CELSR1: variants seen among roughly 807,000 people sequenced by gnomAD.
CELSR1 encodes the protein cadherin EGF LAG seven-pass G-type receptor 1.
In CELSR1, 110 loss-of-function variants were observed where a neutral mutation model predicts 249.1. That is an observed-to-expected ratio of 0.44 (90% CI 0.38 to 0.52). The LOEUF (loss-of-function observed/expected upper bound fraction) is 0.52, where lower values mean the gene tolerates loss of function less well. Ranked by LOEUF, CELSR1 falls within the 20% of genes least tolerant of loss-of-function variation. The pLI is 0.00. For synonymous variants in CELSR1, 2,113 were observed against 1,900.0 expected (o/e 1.11, Z -2.92); for missense variants, 4,109 against 4,296.4 (o/e 0.96, Z 1.22).
rs2147771197 is a variant in CELSR1, at chr22:46,513,146, G to A, written c.3544+20481C>T. Among the ~76,000 whole-genome samples, 3 of 152,272 alleles carry A rather than the reference G, an allele frequency of 2.0e-5. No homozygotes were observed. The South Asian group carries it at 6.2e-4, about 32-fold the overall frequency. ...CGCCTCTCAAAATCACGCGACTGGG[G>A]ACAATACACCTGGGGACTAGGCCAT... is the stretch of plus-strand genomic sequence containing the variant. On this transcript the variant is annotated intron_variant, in intron 1 of 34. Coordinates refer to ENST00000674500, the MANE Select transcript of CELSR1 (RefSeq NM_001378328.1).
intron 1 of CELSR1, among the ~76,000 whole-genome samples, chr22:46,524,838 G>T (rs368639071): frequency 1.3e-5 from 2 of 152,294 alleles, no homozygotes; most frequent in East Asian, 1.9e-4. Context: ...CGTGTGGGAG[G>T]AAACGAAAAC....
intron 2 of CELSR1, among the ~76,000 whole-genome samples, chr22:46,442,561 G>C (rs1319163350): frequency 1.3e-5 from 2 of 152,238 alleles, no homozygotes; most frequent in Non-Finnish European, 2.9e-5. Flanking sequence ...CCTGGAGTCT[G>C]TTTCTCAGGG....
rs1602125007 is a variant in CELSR1, at chr22:46,430,435, A to C, written c.4611+2958T>G. On this transcript the variant is annotated intron_variant, in intron 5 of 34. Coordinates refer to ENST00000674500, the MANE Select transcript of CELSR1 (RefSeq NM_001378328.1). The surrounding 1 kb of genome is among the most constrained non-coding windows in gnomAD (Gnocchi z 4.6). The stretch of plus-strand genomic sequence containing the variant: ...CCAAGGCAGGCAGGGACGCGTGTGC[A>C]GGGGGGTTCCCTCGGCAGTGTCACC... 6.6e-6 allele frequency among the ~76,000 whole-genome samples: 1 copy of C among 152,146 alleles called. No homozygotes were observed. The highest frequency in any genetic ancestry group is 2.1e-4 in the South Asian group (1 of 4,814).
Position 46,436,365 on chromosome 22 carries a change from G to C in CELSR1, c.4407-76C>G. ...AGGCTGCCTAGGAATGACAAGTCCAGCCGGAGGAGGGCAAGCACGTGGGGC... is the reference window on the plus strand; with the variant it reads ...AGGCTGCCTAGGAATGACAAGTCCACCCGGAGGAGGGCAAGCACGTGGGGC... On this transcript the variant is annotated intron_variant, in intron 3 of 34. Coordinates refer to ENST00000674500, the MANE Select transcript of CELSR1 (RefSeq NM_001378328.1). This position sits in a 1 kb window ranked among gnomAD's most constrained non-coding sequence, Gnocchi z 5.9. 9.2e-7 allele frequency: 1 copy of C among 1,085,532 alleles called. No homozygotes were observed. Among genetic ancestry groups the C allele is most frequent in the Admixed American group, 1.9e-5 (1 of 51,610 alleles). 67.2% of individuals were successfully genotyped at this position (1,085,532 alleles called of 1,614,324 possible).
Position 46,365,651 on chromosome 22 carries a change from A to G in CELSR1, c.8339T>C (p.Leu2780Pro), listed in dbSNP as rs1478853234. 4.4e-6 allele frequency: 7 copies of G among 1,588,170 alleles called. No homozygotes were observed. The highest frequency in any genetic ancestry group is 6.0e-6 in the Non-Finnish European group (7 of 1,167,956). Residue 2780 changes from leucine (L) to proline (P), a missense_variant, in exon 31 of 35, where the codon CTG becomes CCG. By Grantham distance (98) the Leu-to-Pro change is moderately conservative. Transcript: ENST00000674500. ...GIQKLGVSSG[L>P]VRGSHGEPDA... The stretch of plus-strand genomic sequence containing the variant: ...TGGCTCTCCGTGGCTGCCCCTCACC[A>G]GCCCAGAGGACACGCCGAGCTTCTG...
intron 2 of CELSR1, among the ~76,000 whole-genome samples, chr22:46,462,319 G>T (rs547612808): frequency 6.6e-6 from 1 of 152,172 alleles, no homozygotes; most frequent in African/African-American, 2.4e-5. Context: ...AACCTGGAGC[G>T]CAGGAAGTCA....
rs372005603 is a variant in CELSR1, at chr22:46,449,309, A to ACATC, written c.4184-9902_4184-9899dup. The stretch of plus-strand genomic sequence containing the variant: ...ATTCATCCATCTATCCACCCATCAC[A>ACATC]CATCCATCCATCCATCCATCCAACC... On this transcript the variant is annotated intron_variant, in intron 2 of 34. Coordinates refer to ENST00000674500, the MANE Select transcript of CELSR1 (RefSeq NM_001378328.1). Among the ~76,000 whole-genome samples the ACATC allele has an allele frequency of 1.6e-3, 214 of 134,374 alleles. 1 individual carries two copies. Among genetic ancestry groups the ACATC allele is most frequent in the African/African-American group, 5.5e-3 (191 of 34,618 alleles). 88.2% of individuals were successfully genotyped at this position (134,374 alleles called of 152,430 possible).
intron 4 of CELSR1, among the ~76,000 whole-genome samples, chr22:46,435,222 G>A (rs1266581704): frequency 1.1e-4 from 16 of 142,406 alleles, no homozygotes; most frequent in African/African-American, 4.2e-4. Context: ...AAAGTGCTAG[G>A]ATTACAGGCA....
intron 1 of CELSR1, among the ~76,000 whole-genome samples, chr22:46,513,326 A>AG (rs1159144527): frequency 5.3e-5 from 8 of 152,290 alleles, no homozygotes; most frequent in Admixed American, 5.2e-4. Flanking sequence ...AGTGTGCAAG[A>AG]GGATTAAAAA....
At chr22:46,519,034 A>G (rs1346961254) in intron 1 of CELSR1, among the ~76,000 whole-genome samples, 1 of 149,260 alleles carries the variant, frequency 6.7e-6, no homozygotes, top group Non-Finnish European at 1.5e-5. Flanking sequence ...CTCTGTATCA[A>G]AAAAAAAAAA....
intron 24 of CELSR1, among the ~76,000 whole-genome samples, chr22:46,376,259 T>G (rs937457637): frequency 9.2e-5 from 14 of 152,252 alleles, no homozygotes; most frequent in Admixed American, 9.2e-4. Context: ...ATTCATAGAT[T>G]TTTAAAATGT....
intron 1 of CELSR1, among the ~76,000 whole-genome samples, chr22:46,465,169 G>A (rs998707381): frequency 6.6e-6 from 1 of 152,066 alleles, no homozygotes; most frequent in African/African-American, 2.4e-5. Flanking sequence ...TCCCAGGGAC[G>A]GAGCAGCGGC....
chr22:46,411,886 G>T lies in CELSR1; in HGVS notation c.4612-127C>A. On this transcript the variant is annotated intron_variant, in intron 5 of 34. Coordinates refer to ENST00000674500, the MANE Select transcript of CELSR1 (RefSeq NM_001378328.1). This position sits in a 1 kb window ranked among gnomAD's most constrained non-coding sequence, Gnocchi z 4.2. ...GGGCGGCACGTAGACAAGGGATGAG[G>T]AGCCCCCGGCCTTTAGTTCCCCAAA... The T allele has an allele frequency of 8.2e-7, 1 of 1,215,972 alleles. No individual in the cohort carries two copies. Among genetic ancestry groups the T allele is most frequent in the East Asian group, 2.3e-5 (1 of 42,630 alleles). The allele number at this position is 1,215,972 out of a possible 1,614,324, so 75.3% of individuals were successfully genotyped here.
intron 5 of CELSR1, among the ~76,000 whole-genome samples, chr22:46,426,787 G>A (rs1045874276): frequency 4.6e-5 from 7 of 152,192 alleles, no homozygotes; most frequent in African/African-American, 1.7e-4. Context: ...TGGGTCCACT[G>A]TCTTGCATTC....
chr22:46,383,371 C>G (rs559196698), intron 20 of CELSR1, among the ~76,000 whole-genome samples: 1 of 152,290 alleles, frequency 6.6e-6, no homozygotes, highest in South Asian at 2.1e-4. Context: ...TGTAAAAAAG[C>G]ACCTTAAGAA....
chr22:46,534,554 A>T lies in CELSR1; in HGVS notation c.2617T>A (p.Ser873Thr). The part of the protein sequence containing the change: ...MAQDNGIPQK[S>T]DTTTLEILIL... ...AGGATCTCTAGGGTGGTGGTGTCTG[A>T]TTTCTGCGGGATGCCGTTGTCCTGG... Residue 873 changes from serine to threonine, a missense_variant, in exon 1 of 35, where the codon TCA becomes ACA. Coordinates refer to ENST00000674500, the MANE Select transcript of CELSR1 (RefSeq NM_001378328.1). This position sits in a 1 kb window ranked among gnomAD's most constrained non-coding sequence, Gnocchi z 9.7. The T allele has an allele frequency of 6.2e-7, 1 of 1,613,584 alleles. No individual in the cohort carries two copies. Among genetic ancestry groups the T allele is most frequent in the Non-Finnish European group, 8.5e-7 (1 of 1,180,014 alleles).
intron 1 of CELSR1, among the ~76,000 whole-genome samples, chr22:46,470,985 C>T (rs929535360): frequency 6.6e-5 from 10 of 152,094 alleles, no homozygotes; most frequent in South Asian, 2.1e-4. Context: ...ATTAGCAGGG[C>T]GTTGTGGTGC....
chr22:46,430,459 C>T lies in CELSR1; in HGVS notation c.4611+2934G>A, dbSNP rs2079582226. On this transcript the variant is annotated intron_variant, in intron 5 of 34. Transcript: ENST00000674500. This position sits in a 1 kb window ranked among gnomAD's most constrained non-coding sequence, Gnocchi z 4.6. ...CAGGGGGGTTCCCTCGGCAGTGTCA[C>T]CCACCACCCTCAAGATCACCCTTGC... 6.6e-6 allele frequency among the ~76,000 whole-genome samples: 1 copy of T among 152,016 alleles called. No individual in the cohort carries two copies. Among genetic ancestry groups the T allele is most frequent in the Non-Finnish European group, 1.5e-5 (1 of 68,000 alleles).
intron 32 of CELSR1, 34 bp from the exon 33 acceptor site, chr22:46,364,770 G>C: frequency 6.3e-7 from 1 of 1,584,544 alleles, no homozygotes; most frequent in Non-Finnish European, 8.6e-7. Flanking sequence ...GCAGGCAGCG[G>C]CACTGCCACT....
Sources: gnomAD v4.1 joint callset for allele counts (sites outside exome capture counted in the v4.1 genomes callset) on GRCh38, gnomAD v4.1.1 for gene constraint, Gnocchi (gnomAD v3.1) non-coding constraint, MANE v1.5 for transcripts, NCBI Gene and HGNC (gene_info 2026-07-23, HGNC 2026-07-21) for gene names.